ADGRL3: variants seen among roughly 807,000 people sequenced by gnomAD.
ADGRL3 encodes the protein adhesion G protein-coupled receptor L3.
In ADGRL3, 62 loss-of-function variants were observed where a neutral mutation model predicts 153.5. The ratio of observed to expected loss-of-function variants is 0.40; its 90% CI spans 0.33 to 0.50. The LOEUF is 0.50. ADGRL3 is among the 20% of genes least tolerant of loss of function. The pLI, the probability that ADGRL3 is intolerant of heterozygous loss-of-function variation, is 0.47. For missense variants in ADGRL3, 1,641 were observed against 1,859.4 expected, an observed-to-expected ratio of 0.88 and a Z score of 2.16; for synonymous variants, 710 against 672.5, an observed-to-expected ratio of 1.06 and a Z score of -0.86.
At chr4:61,650,025 T>A (rs1037111509) in intron 5 of ADGRL3, among the ~76,000 whole-genome samples, 1 of 152,192 alleles carries the variant, frequency 6.6e-6, no homozygotes, top group African/African-American at 2.4e-5. Flanking sequence ...AGCTGCAGTT[T>A]GTTGTCTGGC....
chr4:61,702,270 TCGGAA>T (rs1287945651), intron 6 of ADGRL3, among the ~76,000 whole-genome samples: 1 of 152,166 alleles, frequency 6.6e-6, no homozygotes, highest in Non-Finnish European at 1.5e-5. Context: ...AATAAGCTAC[TCGGAA>T]CAGAAAATAA....
intron 8 of ADGRL3, among the ~76,000 whole-genome samples, chr4:61,740,238 A>G (rs1320231837): frequency 6.6e-6 from 1 of 152,196 alleles, no homozygotes; most frequent in Non-Finnish European, 1.5e-5. Flanking sequence ...GTATACCTTT[A>G]TTATTACCTT....
At position 61,571,786 on chromosome 4, in the gene ADGRL3, A is replaced by G. The variant is rs145300411; in HGVS notation, c.260-15441A>G. 3.9e-3 allele frequency among the ~76,000 whole-genome samples: 592 copies of G among 152,306 alleles called. 3 individuals carry two copies. The highest frequency in any genetic ancestry group is 0.013 in the African/African-American group (559 of 41,580). The stretch of plus-strand genomic sequence containing the variant: ...GTGCTTGATAATTGATTTAATTCCA[A>G]TGAGAGAAATTCAAGTTATTATCCT... On this transcript the variant is annotated intron_variant, in intron 4 of 26. Transcript: ENST00000683033.
chr4:61,639,598 A>G (rs1207341281), intron 5 of ADGRL3, among the ~76,000 whole-genome samples: 2 of 152,154 alleles, frequency 1.3e-5, no homozygotes, highest in Non-Finnish European at 2.9e-5. Context: ...ATACTGATTC[A>G]TTAGGGGAAG....
chr4:61,795,073 A>G (rs534655793), intron 8 of ADGRL3, among the ~76,000 whole-genome samples: 13 of 152,322 alleles, frequency 8.5e-5, no homozygotes, highest in African/African-American at 3.1e-4. Flanking sequence ...CTTTTTACCT[A>G]TCAAGTAAAA....
At chr4:61,667,423 G>C (rs1580180453) in intron 5 of ADGRL3, among the ~76,000 whole-genome samples, 1 of 152,048 alleles carries the variant, frequency 6.6e-6, no homozygotes, top group Admixed American at 6.6e-5. Flanking sequence ...TTGTAATACG[G>C]TAGGGAATTC....
intron 23 of ADGRL3, among the ~76,000 whole-genome samples, chr4:62,033,803 T>C (rs542895375): frequency 7.9e-5 from 12 of 151,912 alleles, no homozygotes; most frequent in Non-Finnish European, 1.5e-4. Flanking sequence ...TTTTAAATTT[T>C]ATTTAAATTT....
rs1747591258 is a variant in ADGRL3, at chr4:62,077,710, A to G, written c.*6802A>G. On this transcript the variant is annotated 3_prime_UTR_variant, in exon 27 of 27. Coordinates refer to ENST00000683033, the MANE Select transcript of ADGRL3 (RefSeq NM_001387552.1). ...CAAACTGGTTTACATATTGAATGAC[A>G]TTTTGAATCAATAAAAATGAGAAAA... 1 of 151,920 alleles carries G rather than the reference A, an allele frequency of 6.6e-6. No homozygotes were observed. Among genetic ancestry groups the G allele is most frequent in the Non-Finnish European group, 1.5e-5 (1 of 67,860 alleles). The allele number at this position is 151,920 out of a possible 1,614,324, so 9.4% of individuals were successfully genotyped here. A position where few individuals can be genotyped will look rare whatever the true frequency, so the allele number is the denominator to read the frequency against.
At chr4:61,989,005 C>T (rs930698894) in intron 19 of ADGRL3, among the ~76,000 whole-genome samples, 2 of 152,078 alleles carry the variant, frequency 1.3e-5, no homozygotes, top group African/African-American at 4.8e-5. Flanking sequence ...TCCCAGCTCA[C>T]TAGCTTAAGA....
intron 5 of ADGRL3, among the ~76,000 whole-genome samples, chr4:61,647,052 A>G (rs947270409): frequency 6.6e-5 from 10 of 152,070 alleles, no homozygotes; most frequent in African/African-American, 9.7e-5. Context: ...GGTGCCGTCC[A>G]TCACCCCTTT....
intron 12 of ADGRL3, among the ~76,000 whole-genome samples, chr4:61,909,993 GT>G (rs2149816520): frequency 6.6e-6 from 1 of 152,168 alleles, no homozygotes; most frequent in East Asian, 1.9e-4. Flanking sequence ...TTATAATTCT[GT>G]TTTCCATGGC....
intron 4 of ADGRL3, among the ~76,000 whole-genome samples, chr4:61,543,901 C>T (rs1413768721): frequency 3.3e-5 from 5 of 152,160 alleles, no homozygotes; most frequent in African/African-American, 4.8e-5. Context: ...TATCATCTTT[C>T]ATCTTAGGCA....
chr4:61,408,798 T>C (rs1008135220), intron 2 of ADGRL3, among the ~76,000 whole-genome samples: 14 of 151,930 alleles, frequency 9.2e-5, no homozygotes, highest in Non-Finnish European at 1.6e-4. Flanking sequence ...GAGAAAACAC[T>C]GAGTTTGGAT....
intron 12 of ADGRL3, among the ~76,000 whole-genome samples, chr4:61,911,608 T>G (rs2098722194): frequency 1.3e-5 from 2 of 152,184 alleles, no homozygotes; most frequent in South Asian, 4.1e-4. Context: ...ATTGAAATTC[T>G]GGAGGGTTTA....
intron 4 of ADGRL3, among the ~76,000 whole-genome samples, chr4:61,528,608 G>T (rs1279952324): frequency 6.6e-6 from 1 of 152,090 alleles, no homozygotes; most frequent in African/African-American, 2.4e-5. Flanking sequence ...CTAGGAAATT[G>T]AAAGGCTAAG....
chr4:61,295,398 G>A (rs1234215421), intron 1 of ADGRL3, among the ~76,000 whole-genome samples: 4 of 151,968 alleles, frequency 2.6e-5, no homozygotes, highest in African/African-American at 7.3e-5. Flanking sequence ...AAACACCATG[G>A]TATATATAGG....
chr4:61,471,821 G>A (rs2097958856), intron 2 of ADGRL3, among the ~76,000 whole-genome samples: 1 of 151,834 alleles, frequency 6.6e-6, no homozygotes, highest in African/African-American at 2.4e-5. Context: ...TTTCTTAATT[G>A]TAAACATTTT....
chr4:61,505,817 C>T (rs1336439909), intron 3 of ADGRL3, among the ~76,000 whole-genome samples: 1 of 79,626 alleles, frequency 1.3e-5, no homozygotes. Flanking sequence ...CACATCACAT[C>T]TTTTAATAAA....
intron 5 of ADGRL3, among the ~76,000 whole-genome samples, chr4:61,657,204 A>G (rs1289308963): frequency 1.3e-5 from 2 of 152,092 alleles, no homozygotes; most frequent in Non-Finnish European, 2.9e-5. Flanking sequence ...GAGAATCCAT[A>G]AGAGTGACTT....
Sources: allele counts gnomAD v4.1 joint callset (sites outside exome capture counted in the v4.1 genomes callset), GRCh38; gene constraint gnomAD v4.1.1; transcripts MANE v1.5; gene names NCBI Gene and HGNC (gene_info 2026-07-23, HGNC 2026-07-21).